PJA2: variants seen among roughly 807,000 people sequenced by gnomAD.
The protein encoded by PJA2 is praja ring finger ubiquitin ligase 2.
PJA2 carries 25 observed loss-of-function variants against 69.3 expected under a neutral mutation model. The observed-to-expected ratio is 0.36, with a 90% CI of 0.26 to 0.50. The LOEUF (loss-of-function observed/expected upper bound fraction) is 0.50, where lower values mean the gene tolerates loss of function less well. PJA2 is among the 20% of genes least tolerant of loss of function. The probability of loss-of-function intolerance (pLI) is 0.96; values close to 1 mark genes in which losing one functional copy is unlikely to be tolerated. For missense variants in PJA2, 809 were observed against 830.2 expected (o/e 0.97, Z 0.31); for synonymous variants, 308 against 277.8 (o/e 1.11, Z -1.08).
chr5:109,385,150 A>G (rs77390886), intron 1 of PJA2, among the ~76,000 whole-genome samples: 5,791 of 152,310 alleles, frequency 0.038, 115 homozygotes, highest in Middle Eastern at 0.051. Flanking sequence ...GAAAACCATC[A>G]AAGTTCTGAC....
intron 7 of PJA2, among the ~76,000 whole-genome samples, chr5:109,350,843 A>G (rs543500896): frequency 6.6e-6 from 1 of 152,286 alleles, no homozygotes; most frequent in South Asian, 2.1e-4. Flanking sequence ...AAGACTTTAC[A>G]AGGGGCCCGT....
intron 1 of PJA2, among the ~76,000 whole-genome samples, chr5:109,391,527 T>A (rs1747282322): frequency 6.6e-6 from 1 of 152,058 alleles, no homozygotes; most frequent in South Asian, 2.1e-4. Context: ...GATGTACCCC[T>A]ATTGTTTCCT....
At chr5:109,353,435 TATATATAG>T (rs1479172866) in intron 7 of PJA2, among the ~76,000 whole-genome samples, 29 of 50,426 alleles carry the variant, frequency 5.8e-4, no homozygotes, top group Admixed American at 2.0e-3. Flanking sequence ...ATTAGATACC[TATATATAG>T]ATATCTATAT....
rs530559811 is a variant in PJA2 at position 109,377,855 on chromosome 5, C to T, written c.1283+349G>A. 7.2e-5 allele frequency among the ~76,000 whole-genome samples: 11 copies of T among 152,246 alleles called. No individual in the cohort carries two copies. In the South Asian group the frequency reaches 2.3e-3, roughly 32 times the overall value. ...AATCAATAATTTGTGATATTAATCA[C>T]TTTTTAAACCCAGACTGGCTTAATG... On this transcript the variant is annotated intron_variant, in intron 4 of 9. Transcript: ENST00000361189.
intron 4 of PJA2, among the ~76,000 whole-genome samples, chr5:109,371,285 C>G (rs1762671096): frequency 6.6e-6 from 1 of 152,146 alleles, no homozygotes; most frequent in Non-Finnish European, 1.5e-5. Context: ...CAATCACTAA[C>G]TACCCTCTAA....
At chr5:109,397,264 G>A (rs1009850579) in intron 1 of PJA2, among the ~76,000 whole-genome samples, 1 of 152,140 alleles carries the variant, frequency 6.6e-6, no homozygotes, top group Admixed American at 6.5e-5. Context: ...CCAGTCTTAG[G>A]TATTTTGTTA....
chr5:109,384,008 T>C (rs1747106804), intron 1 of PJA2, among the ~76,000 whole-genome samples: 1 of 152,198 alleles, frequency 6.6e-6, no homozygotes, highest in African/African-American at 2.4e-5. Flanking sequence ...AATGGCTATG[T>C]GAAATACAGA....
chr5:109,343,059 T>C (rs2126986213), intron 9 of PJA2, among the ~76,000 whole-genome samples: 1 of 105,422 alleles, frequency 9.5e-6, no homozygotes, highest in East Asian at 2.2e-4. Context: ...CTTTGTGGAA[T>C]AGAAAGGCGG....
chr5:109,394,146 T>TAAGCAAATCTCCTGCCTC (rs1747351610), intron 1 of PJA2, among the ~76,000 whole-genome samples: 1 of 150,798 alleles, frequency 6.6e-6, no homozygotes. Flanking sequence ...CTCCTGGGTT[T>TAAGCAAATCTCCTGCCTC]AAGCAAATCT....
intron 5 of PJA2, among the ~76,000 whole-genome samples, chr5:109,364,696 CA>C (rs1264093636): frequency 1.4e-5 from 2 of 140,498 alleles, no homozygotes; most frequent in African/African-American, 2.5e-5. Flanking sequence ...AATTTGGACA[CA>C]AAACTCAAAC....
intron 5 of PJA2, 45 bp downstream of exon 5, chr5:109,368,516 C>A (rs1762622369): frequency 6.5e-7 from 1 of 1,533,384 alleles, no homozygotes; most frequent in Middle Eastern, 1.7e-4. Flanking sequence ...AAATATACCA[C>A]TCTTGTACAA....
intron 1 of PJA2, among the ~76,000 whole-genome samples, chr5:109,397,702 C>G (rs992477354): frequency 7.2e-5 from 10 of 139,296 alleles, no homozygotes; most frequent in Non-Finnish European, 1.3e-4. Flanking sequence ...TTTTTTTTTT[C>G]TAGTAGAAAC....
intron 1 of PJA2, among the ~76,000 whole-genome samples, chr5:109,383,897 A>C (rs1747104557): frequency 6.6e-6 from 1 of 152,174 alleles, no homozygotes; most frequent in Admixed American, 6.5e-5. Flanking sequence ...ACTGCACTCC[A>C]GGCCTGGGTG....
intron 1 of PJA2, among the ~76,000 whole-genome samples, chr5:109,404,720 T>C (rs887125522): frequency 6.6e-6 from 1 of 152,102 alleles, no homozygotes; most frequent in Admixed American, 6.5e-5. Context: ...AATCCATTAA[T>C]GAAGGCAGAA....
At chr5:109,342,994 G>A (rs573251289) in intron 9 of PJA2, among the ~76,000 whole-genome samples, 1,178 of 95,736 alleles carry the variant, frequency 0.012, 7 homozygotes, top group Middle Eastern at 0.018. Flanking sequence ...CCACCACCCC[G>A]TCTGGGAGGT....
At chr5:109,364,825 C>A (rs929338798) in intron 5 of PJA2, among the ~76,000 whole-genome samples, 9 of 151,038 alleles carry the variant, frequency 6.0e-5, no homozygotes, top group Non-Finnish European at 1.2e-4. Flanking sequence ...AGAAAGGAGG[C>A]AAAGGATATA....
intron 4 of PJA2, among the ~76,000 whole-genome samples, chr5:109,375,757 AG>A (rs1746851797): frequency 6.6e-6 from 1 of 152,140 alleles, no homozygotes; most frequent in South Asian, 2.1e-4. Context: ...AGAACTAGGG[AG>A]GATGACAATG....
At chr5:109,388,837 T>C (rs1184945023) in intron 1 of PJA2, among the ~76,000 whole-genome samples, 2 of 152,178 alleles carry the variant, frequency 1.3e-5, no homozygotes, top group Admixed American at 6.5e-5. Context: ...AAATCAGTCT[T>C]GTATAATTAA....
intron 6 of PJA2, among the ~76,000 whole-genome samples, chr5:109,361,262 C>T (rs1045457923): frequency 6.6e-6 from 1 of 152,188 alleles, no homozygotes; most frequent in Non-Finnish European, 1.5e-5. Flanking sequence ...GTAATGTCCC[C>T]TCCAATTATT....
Sources: allele counts gnomAD v4.1 joint callset (sites outside exome capture counted in the v4.1 genomes callset), GRCh38; gene constraint gnomAD v4.1.1; transcripts MANE v1.5; gene names NCBI Gene and HGNC (gene_info 2026-07-23, HGNC 2026-07-21).